Variants in ATAD2 observed in about 807,000 individuals in gnomAD.
The protein encoded by ATAD2 is ATPase family AAA domain containing 2.
A neutral mutation model predicts 168.9 loss-of-function variants in ATAD2; 62 were observed. The ratio of observed to expected loss-of-function variants is 0.37; its 90% confidence interval spans 0.30 to 0.45. The LOEUF (loss-of-function observed/expected upper bound fraction) is 0.45. Ranked by LOEUF, ATAD2 falls within the 20% of genes least tolerant of loss-of-function variation. ATAD2 has a pLI of 1.00. For synonymous variants in ATAD2, 613 were observed against 571.6 expected (o/e 1.07, Z -1.03); for missense variants, 1,419 against 1,667.8 (o/e 0.85, Z 2.60).
intron 8 of ATAD2, among the ~76,000 whole-genome samples, chr8:123,363,789 T>C (rs551843345): frequency 5.9e-5 from 9 of 152,316 alleles, no homozygotes; most frequent in Admixed American, 5.2e-4. Context: ...TATTTAATCT[T>C]AATTAAAATT....
At chr8:123,371,977 C>A in intron 3 of ATAD2, 142 bp from the exon 4 acceptor site, 1 of 880,780 alleles carries the variant, frequency 1.1e-6, no homozygotes, top group Non-Finnish European at 1.6e-6. Flanking sequence ...TTAAAAACAT[C>A]AGAAAACAAA....
intron 8 of ATAD2, among the ~76,000 whole-genome samples, chr8:123,368,265 A>C (rs978574369): frequency 3.3e-5 from 5 of 152,116 alleles, no homozygotes; most frequent in Non-Finnish European, 7.4e-5. Flanking sequence ...TAAAAATACA[A>C]AAATCAGCTG....
At chr8:123,363,156 C>T (rs1214371811) in intron 8 of ATAD2, among the ~76,000 whole-genome samples, 1 of 152,080 alleles carries the variant, frequency 6.6e-6, no homozygotes, top group Non-Finnish European at 1.5e-5. Flanking sequence ...TCCAAAAATA[C>T]AAAAGGTTCA....
intron 13 of ATAD2, 49 bp downstream of exon 13, chr8:123,356,340 C>T: frequency 6.9e-7 from 1 of 1,457,714 alleles, no homozygotes; most frequent in Non-Finnish European, 9.6e-7. Flanking sequence ...ACATCAATAC[C>T]ACTCAGGAAA....
intron 1 of ATAD2, among the ~76,000 whole-genome samples, chr8:123,408,420 GAC>G (rs1449102085): frequency 3.3e-5 from 5 of 152,230 alleles, no homozygotes; most frequent in Non-Finnish European, 1.5e-5. Context: ...TGGGAGGAAT[GAC>G]CCAAAGATGC....
chr8:123,336,378 G>C lies in ATAD2; in HGVS notation c.3206C>G (p.Pro1069Arg). Residue 1069 changes from proline to arginine, a missense_variant, in exon 22 of 28, where the codon CCT becomes CGT. Transcript: ENST00000287394. ...AAAAATTCACTAATGCTCACCTCCA[G>C]GATCTCTATCTGGATTGTATTCTAA... is the stretch of plus-strand genomic sequence containing the variant. ...NALEYNPDRDPGDRLIRHRAC... is the reference protein window; with the variant it reads ...NALEYNPDRDRGDRLIRHRAC... 1 of 1,576,350 alleles carries C rather than the reference G, an allele frequency of 6.3e-7. No individual in the cohort carries two copies. The highest frequency in any genetic ancestry group is 1.2e-5 in the South Asian group (1 of 83,150).
chr8:123,328,506 T>G lies in ATAD2; in HGVS notation c.3552A>C (p.Ser1184=). ...CATTCTGGCTATCATCCTTTGCCTG[T>G]GAAATCTTCCTTCGCTTTTTTATGG... is the stretch of plus-strand genomic sequence containing the variant. The part of the protein sequence containing the change: ...LGTIKKRRKI[S]QAKDDSQNAI... The change falls in exon 25 of 28, where the codon TCA becomes TCC. Residue 1184 remains serine, a synonymous_variant. Coordinates refer to ENST00000287394, the MANE Select transcript of ATAD2 (RefSeq NM_014109.4). 2 of 1,596,928 alleles carry G rather than the reference T, an allele frequency of 1.3e-6. No individual in the cohort carries two copies. Among genetic ancestry groups the G allele is most frequent in the Non-Finnish European group, 1.7e-6 (2 of 1,173,770 alleles).
rs1586850141 is a variant in ATAD2, at chr8:123,320,945, T to C, written c.*189A>G. 1.8e-6 allele frequency: 1 copy of C among 547,098 alleles called. No individual in the cohort carries two copies. The highest frequency in any genetic ancestry group is 3.1e-6 in the Non-Finnish European group (1 of 321,226). 33.9% of individuals were successfully genotyped at this position (547,098 alleles called of 1,614,324 possible). A position where few individuals can be genotyped will look rare whatever the true frequency, so the allele number is the denominator to read the frequency against. On this transcript the variant is annotated 3_prime_UTR_variant, in exon 28 of 28. Transcript: ENST00000287394. ...TGTTCTAGCAAAGTTCCAATATTTATCAGTTATCTTACACATGACATTTAT... is the reference window on the plus strand; with the variant it reads ...TGTTCTAGCAAAGTTCCAATATTTACCAGTTATCTTACACATGACATTTAT...
chr8:123,406,690 G>A (rs189908053), intron 1 of ATAD2, among the ~76,000 whole-genome samples: 47 of 151,818 alleles, frequency 3.1e-4, no homozygotes, highest in African/African-American at 9.9e-4. Context: ...TGTGGTGCAC[G>A]CCAGTACTCT....
At chr8:123,376,538 A>C (rs1202651741) in intron 2 of ATAD2, among the ~76,000 whole-genome samples, 3 of 152,112 alleles carry the variant, frequency 2.0e-5, no homozygotes, top group Non-Finnish European at 4.4e-5. Context: ...TGGTCAACAG[A>C]GCAAGACTCC....
At chr8:123,366,561 A>C (rs576245572) in intron 8 of ATAD2, among the ~76,000 whole-genome samples, 26 of 152,366 alleles carry the variant, frequency 1.7e-4, no homozygotes, top group African/African-American at 6.0e-4. Flanking sequence ...AAAGGAATGA[A>C]TTAATGGCAT....
At chr8:123,322,147 C>T (rs1373485639) in intron 27 of ATAD2, among the ~76,000 whole-genome samples, 2 of 152,048 alleles carry the variant, frequency 1.3e-5, no homozygotes. Context: ...ACCACCACAT[C>T]TGGCTAGTTT....
chr8:123,389,398 G>A (rs1173483598), intron 1 of ATAD2, among the ~76,000 whole-genome samples: 2 of 148,988 alleles, frequency 1.3e-5, no homozygotes, highest in African/African-American at 2.5e-5. Flanking sequence ...CCAGCACTTT[G>A]GGAGGCCAAG....
At chr8:123,406,849 C>T (rs1813075095) in intron 1 of ATAD2, among the ~76,000 whole-genome samples, 1 of 150,890 alleles carries the variant, frequency 6.6e-6, no homozygotes, top group Admixed American at 6.6e-5. Context: ...ACCACACTGG[C>T]TTTAGCTTTT....
chr8:123,407,295 G>T (rs1215559280), intron 1 of ATAD2, among the ~76,000 whole-genome samples: 3 of 152,202 alleles, frequency 2.0e-5, no homozygotes, highest in Non-Finnish European at 4.4e-5. Context: ...GTGGTAATTT[G>T]TTACATATAG....
upstream of ATAD2, among the ~76,000 whole-genome samples, chr8:123,397,362 T>C (rs1812904333): frequency 6.6e-6 from 1 of 151,532 alleles, no homozygotes; most frequent in Non-Finnish European, 1.5e-5. Flanking sequence ...GTACATATAA[T>C]CGGAAAGTAA....
chr8:123,387,061 AC>A (rs1829665218), intron 1 of ATAD2, among the ~76,000 whole-genome samples: 2 of 152,100 alleles, frequency 1.3e-5, no homozygotes, highest in South Asian at 4.1e-4. Context: ...TGAAAATGTC[AC>A]CCTTAATTTC....
chr8:123,347,220 G>A lies in ATAD2; in HGVS notation c.2084C>T (p.Thr695Ile), dbSNP rs1195040532. The change falls in exon 16 of 28, where the codon ACA (threonine) becomes ATA (isoleucine). Residue 695 changes from threonine (T) to isoleucine (I), a missense_variant. Coordinates refer to ENST00000287394, the MANE Select transcript of ATAD2 (RefSeq NM_014109.4). The stretch of plus-strand genomic sequence containing the variant: ...GGTGGACAGTGCCTGCCCAGGTGAT[G>A]TCACAGCTCTTTGGGAGGCTGGTAT... ...KMIPASQRAV[T>I]SPGQALSTVV... 3 of 1,614,170 alleles carry A rather than the reference G, an allele frequency of 1.9e-6. No individual in the cohort carries two copies. The highest frequency in any genetic ancestry group is 3.3e-5 in the Admixed American group (2 of 60,022).
At chr8:123,333,409 CAAAAAA>C (rs35820976) in intron 24 of ATAD2, among the ~76,000 whole-genome samples, 1 of 61,712 alleles carries the variant, frequency 1.6e-5, no homozygotes, top group Admixed American at 2.1e-4. Context: ...GACTCCGTCT[CAAAAAA>C]AAAAAAAAAA....
Sources: allele counts gnomAD v4.1 joint callset (sites outside exome capture counted in the v4.1 genomes callset), GRCh38; gene constraint gnomAD v4.1.1; transcripts MANE v1.5; gene names NCBI Gene and HGNC (gene_info 2026-07-23, HGNC 2026-07-21).